The following ENTREP2 variants were observed in gnomAD, a reference collection of about 807,000 sequenced individuals.
ENTREP2 encodes the protein protein ENTREP2.
the ENTREP2 span, among the ~76,000 whole-genome samples, chr15:29,290,522 G>T: frequency 6.6e-6 from 1 of 152,178 alleles, no homozygotes; most frequent in Non-Finnish European, 1.5e-5. Flanking sequence ...CATTCTGTAT[G>T]ATCAATCTCC....
the ENTREP2 span, among the ~76,000 whole-genome samples, chr15:29,329,380 T>G: frequency 1.3e-5 from 2 of 150,128 alleles, no homozygotes; most frequent in African/African-American, 4.9e-5. Context: ...AAAAAAAAAG[T>G]ATGAATTGTT....
chr15:29,500,849 C>T, the ENTREP2 span, among the ~76,000 whole-genome samples: 1 of 151,868 alleles, frequency 6.6e-6, no homozygotes, highest in African/African-American at 2.4e-5. Context: ...TTTAGCTAGG[C>T]TGAGCAAAGA....
chr15:29,198,370 CACA>C, the ENTREP2 span, among the ~76,000 whole-genome samples: 1 of 152,220 alleles, frequency 6.6e-6, no homozygotes, highest in Non-Finnish European at 1.5e-5. Context: ...TACATGCACA[CACA>C]ACATTACTAG....
the ENTREP2 span, among the ~76,000 whole-genome samples, chr15:29,124,412 TAAG>T: frequency 6.6e-6 from 1 of 152,000 alleles, no homozygotes; most frequent in Non-Finnish European, 1.5e-5. Flanking sequence ...CATGAGAAAT[TAAG>T]AAACTCCCAG....
chr15:29,432,597 C>G, the ENTREP2 span, among the ~76,000 whole-genome samples: 1 of 152,222 alleles, frequency 6.6e-6, no homozygotes, highest in Non-Finnish European at 1.5e-5. Flanking sequence ...CCCTGGGTCC[C>G]CAGTGCACAC....
the ENTREP2 span, among the ~76,000 whole-genome samples, chr15:29,480,884 C>A: frequency 6.6e-6 from 1 of 152,020 alleles, no homozygotes; most frequent in Admixed American, 6.6e-5. Context: ...AAGGGGACCA[C>A]CATGGGAAGG....
the ENTREP2 span, among the ~76,000 whole-genome samples, chr15:29,530,894 A>C: frequency 6.6e-6 from 1 of 151,952 alleles, no homozygotes; most frequent in Non-Finnish European, 1.5e-5. Context: ...CTGGCCAGAC[A>C]CCTCCTGTAG....
At chr15:29,415,973 G>A in the ENTREP2 span, among the ~76,000 whole-genome samples, 2 of 152,036 alleles carry the variant, frequency 1.3e-5, no homozygotes, top group Admixed American at 6.6e-5. Context: ...ACAACTACAA[G>A]CCACTGCTCA....
At chr15:29,180,829 T>C in the ENTREP2 span, among the ~76,000 whole-genome samples, 1 of 151,924 alleles carries the variant, frequency 6.6e-6, no homozygotes, top group South Asian at 2.1e-4. Flanking sequence ...AAAAAGTTAC[T>C]AGACATCAAA....
chr15:29,663,198 C>T, the ENTREP2 span, among the ~76,000 whole-genome samples: 1 of 152,080 alleles, frequency 6.6e-6, no homozygotes, highest in African/African-American at 2.4e-5. Context: ...GCAGACTTGT[C>T]TTCTAAGAAT....
At chr15:29,428,357 G>A in the ENTREP2 span, among the ~76,000 whole-genome samples, 3 of 152,216 alleles carry the variant, frequency 2.0e-5, no homozygotes, top group African/African-American at 7.2e-5. Flanking sequence ...GTTATTACAG[G>A]TGCTCGCCAC....
chr15:29,621,581 C>A, the ENTREP2 span, among the ~76,000 whole-genome samples: 1 of 114,902 alleles, frequency 8.7e-6, no homozygotes, highest in Admixed American at 8.8e-5. Context: ...ATTAGGATGG[C>A]CACTATCAAA....
the ENTREP2 span, chr15:29,570,504 C>A: frequency 7.3e-7 from 1 of 1,370,070 alleles, no homozygotes. Context: ...CGGACACTCA[C>A]CGAGAAGCCT....
the ENTREP2 span, among the ~76,000 whole-genome samples, chr15:29,405,347 C>T: frequency 2.0e-5 from 3 of 151,554 alleles, no homozygotes; most frequent in African/African-American, 7.3e-5. Flanking sequence ...CAAGATTGCA[C>T]CATTGCACTC....
the ENTREP2 span, chr15:29,268,100 CCA>C: frequency 3.3e-5 from 5 of 152,162 alleles, no homozygotes; most frequent in African/African-American, 1.2e-4. Context: ...ATGTTGATTT[CCA>C]GTCATGAAAT....
the ENTREP2 span, among the ~76,000 whole-genome samples, chr15:29,273,109 G>C: frequency 3.0e-4 from 46 of 152,098 alleles, no homozygotes; most frequent in Non-Finnish European, 5.1e-4. Context: ...TTGGCCAAGA[G>C]GGGGTCTGTT....
the ENTREP2 span, among the ~76,000 whole-genome samples, chr15:29,523,561 ATTTT>A: frequency 2.5e-3 from 197 of 78,482 alleles, no homozygotes; most frequent in Middle Eastern, 0.023. Context: ...TCCCAGCTAG[ATTTT>A]TTTTTTTTTT....
the ENTREP2 span, chr15:29,196,651 G>A: frequency 1.2e-5 from 17 of 1,426,754 alleles, no homozygotes; most frequent in East Asian, 4.3e-4. Context: ...CAGAACACAG[G>A]AAAATGGCTC....
At chr15:29,665,214 G>A in the ENTREP2 span, among the ~76,000 whole-genome samples, 6 of 152,240 alleles carry the variant, frequency 3.9e-5, no homozygotes, top group South Asian at 6.2e-4. Flanking sequence ...CTTCTTCTGC[G>A]TATCTGGCTG....
Sources: gnomAD v4.1 joint callset for allele counts (sites outside exome capture counted in the v4.1 genomes callset) on GRCh38, gnomAD v4.1.1 for gene constraint, MANE v1.5 for transcripts, NCBI Gene and HGNC (gene_info 2026-07-23, HGNC 2026-07-21) for gene names.